The following FLG variants were observed in gnomAD, a reference collection of about 807,000 sequenced individuals.
FLG encodes the protein filaggrin, also known as epidermal filaggrin.
Under a neutral mutation model 3.8 loss-of-function variants are expected in FLG, and 6 were observed. That is an observed-to-expected ratio of 1.60 (90% CI 0.87 to 3.15). The LOEUF (loss-of-function observed/expected upper bound fraction) is 3.15. Ranked by LOEUF, FLG falls within the 30% of genes most tolerant of loss-of-function variation. The pLI is 0.00. For missense variants in FLG, 7,595 were observed against 5,050.9 expected, an observed-to-expected ratio of 1.50 and a Z score of -15.27; for synonymous variants, 2,551 against 1,931.6, an observed-to-expected ratio of 1.32 and a Z score of -8.41.
Position 152,313,841 on chromosome 1 carries a change from A to C in FLG, c.1045T>G (p.Ser349Ala). 1.2e-6 allele frequency: 2 copies of C among 1,614,124 alleles called. No individual in the cohort carries two copies. The highest frequency in any genetic ancestry group is 8.5e-7 in the Non-Finnish European group (1 of 1,180,016). The stretch of plus-strand genomic sequence containing the variant: ...CCTGATTGTCTGGAGCTGTCTGCAG[A>C]GTGCCCATGACTGGCTCTGTCTTCA... ...HDEDRASHGH[S>A]ADSSRQSGTR... is the part of the protein sequence containing the mutation. Residue 349 changes from serine (S) to alanine (A), a missense_variant, in exon 3 of 3, where the codon TCT becomes GCT. Transcript: ENST00000368799.
At position 152,310,868 on chromosome 1, in the gene FLG, C is replaced by T; in HGVS notation, c.4018G>A (p.Gly1340Arg). The change falls in exon 3 of 3, where the codon GGA (glycine) becomes AGA (arginine). Residue 1340 changes from glycine (G) to arginine (R), a missense_variant. Gly to Arg is a moderately radical substitution (Grantham distance 125). Coordinates refer to ENST00000368799, the MANE Select transcript of FLG (RefSeq NM_002016.2). ...TGTTCATGGGATGACACAGCCTGTC[C>T]ATGAGAGGAAGACTCTGTGTGATGA... ...GTHHTESSSH[G>R]QAVSSHEQAR... The T allele has an allele frequency of 1.2e-6, 2 of 1,614,008 alleles. No individual in the cohort carries two copies. The highest frequency in any genetic ancestry group is 1.7e-6 in the Non-Finnish European group (2 of 1,180,000).
Position 152,310,243 on chromosome 1 carries a change from T to C in FLG, c.4643A>G (p.Glu1548Gly). Reference sequence around the variant, plus strand: ...GTGCCTGGAGCCGTCTCCTGATTGTTCCTCATTTCTTGTTTGCCTGCTTGC... The same window carrying C: ...GTGCCTGGAGCCGTCTCCTGATTGTCCCTCATTTCTTGTTTGCCTGCTTGC... ...RSASRQTRNE[E>G]QSGDGSRHSG... Residue 1548 changes from glutamate to glycine, a missense_variant, in exon 3 of 3, where the codon GAA (glutamate) becomes GGA (glycine). Physicochemically the swap from Glu to Gly is moderately conservative, Grantham distance 98. Coordinates refer to ENST00000368799, the MANE Select transcript of FLG (RefSeq NM_002016.2). 6.2e-7 allele frequency: 1 copy of C among 1,613,860 alleles called. No individual in the cohort carries two copies. Among genetic ancestry groups the C allele is most frequent in the Non-Finnish European group, 8.5e-7 (1 of 1,179,964 alleles).
chr1:152,313,899 T>A lies in FLG; in HGVS notation c.987A>T (p.Ser329=). ...ACCTGGGGTGTCTGGAGCCATCTCT[T>A]GACTGCTCCCACGCAGATCCATGAT... The part of the protein sequence containing the change: ...RNHHGSAWEQ[S]RDGSRHPRSH... The change falls in exon 3 of 3, where the codon TCA becomes TCT. Residue 329 remains serine, a synonymous_variant. Coordinates refer to ENST00000368799, the MANE Select transcript of FLG (RefSeq NM_002016.2). The A allele has an allele frequency of 6.2e-7, 1 of 1,614,042 alleles. No homozygotes were observed. The highest frequency in any genetic ancestry group is 2.2e-5 in the East Asian group (1 of 44,858).
chr1:152,321,586 A>G (rs1652979733), intron 1 of FLG, among the ~76,000 whole-genome samples: 1 of 151,174 alleles, frequency 6.6e-6, no homozygotes, highest in South Asian at 2.1e-4. Context: ...AAATGTCTAG[A>G]AAAACACTTG....
In FLG at chr1:152,311,005, T is replaced by C. The variant is rs767364721; in HGVS notation, c.3881A>G (p.His1294Arg). The C allele has an allele frequency of 1.1e-5, 18 of 1,613,706 alleles. No homozygotes were observed. In the East Asian group the frequency reaches 3.6e-4, roughly 32 times the overall value. ...TGACTGCTCCCGAGAAGATCCATGA[T>C]GGTTTCTGGAAGCAGACCCAGACAA... ...ERLSGSASRN[H>R]HGSSREQSRD... The change falls in exon 3 of 3, where the codon CAT becomes CGT. Residue 1294 changes from histidine (H) to arginine (R), a missense_variant. His to Arg is a conservative substitution (Grantham distance 29). Transcript: ENST00000368799.
chr1:152,313,153 C>T lies in FLG; in HGVS notation c.1733G>A (p.Gly578Glu). The T allele has an allele frequency of 1.2e-6, 2 of 1,613,804 alleles. No individual in the cohort carries two copies. Among genetic ancestry groups the T allele is most frequent in the Non-Finnish European group, 1.7e-6 (2 of 1,179,988 alleles). Residue 578 changes from glycine (G) to glutamate (E), a missense_variant, in exon 3 of 3, where the codon GGA becomes GAA. Transcript: ENST00000368799. ...SRQTRNEEQS[G>E]DGTRHSGSRH... is the part of the protein sequence containing the mutation. ...TGACCCTGAGTGCCTGGTGCCGTCTCCTGATTGTTCCTCATTTCGTGTTTG... is the reference window on the plus strand; with the variant it reads ...TGACCCTGAGTGCCTGGTGCCGTCTTCTGATTGTTCCTCATTTCGTGTTTG...
In FLG at chr1:152,307,927, T is replaced by G. The variant is rs141611923; in HGVS notation, c.6959A>C (p.Glu2320Ala). The change falls in exon 3 of 3, where the codon GAA (glutamate) becomes GCA (alanine). Residue 2320 changes from glutamate to alanine, a missense_variant. By Grantham distance (107) the Glu-to-Ala change is moderately radical (BLOSUM62 -1). Transcript: ENST00000368799. Reference sequence around the variant, plus strand: ...CTCTCCTGCACTTGATCTTGCCTGTTCATGGGATGATGCAGCCTGTCCACC... The same window carrying G: ...CTCTCCTGCACTTGATCTTGCCTGTGCATGGGATGATGCAGCCTGTCCACC... The part of the protein sequence containing the change: ...SSGGQAASSH[E>A]QARSSAGERH... The G allele has an allele frequency of 7.7e-4, 1,247 of 1,613,610 alleles. 2 individuals carry two copies. Among genetic ancestry groups the G allele is most frequent in the Non-Finnish European group, 9.7e-4 (1,140 of 1,179,816 alleles).
chr1:152,304,826 A>G lies in FLG; in HGVS notation c.10060T>C (p.Ser3354Pro). 6.2e-7 allele frequency: 1 copy of G among 1,613,580 alleles called. No individual in the cohort carries two copies. The highest frequency in any genetic ancestry group is 1.1e-5 in the South Asian group (1 of 90,996). The change falls in exon 3 of 3, where the codon TCA becomes CCA. Residue 3354 changes from serine (S) to proline (P), a missense_variant. Transcript: ENST00000368799. ...EGHSEESDTQ[S>P]VSGHGQAGPH... ...CCAGCCTGTCCATGGCCTGACACTG[A>G]CTGTGTGTCTGACTCTTCTGAATGT...
At position 152,308,444 on chromosome 1, in the gene FLG, C is replaced by T. The variant is rs1405608508; in HGVS notation, c.6442G>A (p.Gly2148Arg). 4 of 1,613,708 alleles carry T rather than the reference C, an allele frequency of 2.5e-6. No individual in the cohort carries two copies. The Admixed American group carries it at 5.0e-5, about 20-fold the overall frequency. ...TGCTCTTGGTGGGACCCCTGTCTTCCTCCTCTGCTTGGCCCCGGGTGTCCA... is the reference window on the plus strand; with the variant it reads ...TGCTCTTGGTGGGACCCCTGTCTTCTTCCTCTGCTTGGCCCCGGGTGTCCA... Reference protein sequence around the residue: ...IRGHPGPSRGGRQGSHQEQSV... With the variant: ...IRGHPGPSRGRRQGSHQEQSV... Residue 2148 changes from glycine (G) to arginine (R), a missense_variant, in exon 3 of 3, where the codon GGA (glycine) becomes AGA (arginine). Gly to Arg is a moderately radical substitution (Grantham distance 125). Transcript: ENST00000368799.
At position 152,308,818 on chromosome 1, in the gene FLG, C is replaced by G. The variant is rs747796700; in HGVS notation, c.6068G>C (p.Gly2023Ala). 3 of 1,613,996 alleles carry G rather than the reference C, an allele frequency of 1.9e-6. No individual in the cohort carries two copies. The highest frequency in any genetic ancestry group is 2.7e-5 in the African/African-American group (2 of 74,924). ...SADSSRHSGI[G>A]HGQASSAVRD... Reference sequence around the variant, plus strand: ...GACTGCAGATGAAGCTTGTCCATGCCCAATGCCTGAGTGTCTGGAGCTGTC... The same window carrying G: ...GACTGCAGATGAAGCTTGTCCATGCGCAATGCCTGAGTGTCTGGAGCTGTC... The change falls in exon 3 of 3, where the codon GGG (glycine) becomes GCG (alanine). Residue 2023 changes from glycine (G) to alanine (A), a missense_variant. By Grantham distance (60) the Gly-to-Ala change is moderately conservative. Coordinates refer to ENST00000368799, the MANE Select transcript of FLG (RefSeq NM_002016.2).
At position 152,313,610 on chromosome 1, in the gene FLG, C is replaced by T. The variant is rs866645490; in HGVS notation, c.1276G>A (p.Glu426Lys). The T allele has an allele frequency of 6.2e-7, 1 of 1,614,090 alleles. No homozygotes were observed. The highest frequency in any genetic ancestry group is 8.5e-7 in the Non-Finnish European group (1 of 1,180,012). ...GTGTCTGAGTTTTCTGAATGTCCCT[C>T]ACTGTCACTGGCCTGACTACCGCTA... ...GSSGSQASDS[E>K]GHSENSDTQS... is the part of the protein sequence containing the mutation. Residue 426 changes from glutamate to lysine, a missense_variant, in exon 3 of 3, where the codon GAG becomes AAG. Coordinates refer to ENST00000368799, the MANE Select transcript of FLG (RefSeq NM_002016.2).
rs200277568 is a variant in FLG, at chr1:152,302,881, T to C, written c.12005A>G (p.Asn4002Ser). ...TTCCTTGAAAACAACAGGATTGGAATTGTAACTAACACTTCCGTGCTGAGA... is the reference window on the plus strand; with the variant it reads ...TTCCTTGAAAACAACAGGATTGGAACTGTAACTAACACTTCCGTGCTGAGA... Reference protein sequence around the residue: ...RHSQHGSVSYNSNPVVFKERS... With the variant: ...RHSQHGSVSYSSNPVVFKERS... Residue 4002 changes from asparagine to serine, a missense_variant, in exon 3 of 3, where the codon AAT becomes AGT. By Grantham distance (46) the Asn-to-Ser change is conservative. Coordinates refer to ENST00000368799, the MANE Select transcript of FLG (RefSeq NM_002016.2). 4.3e-5 allele frequency: 69 copies of C among 1,614,166 alleles called. 1 individual carries two copies. In the Admixed American group the frequency reaches 1.1e-3, roughly 26 times the overall value.
rs755699283 is a variant in FLG, at chr1:152,304,539, G to T, written c.10347C>A (p.His3449Gln). 2 of 1,611,770 alleles carry T rather than the reference G, an allele frequency of 1.2e-6. No individual in the cohort carries two copies. Among genetic ancestry groups the T allele is most frequent in the Admixed American group, 3.3e-5 (2 of 59,830 alleles). The part of the protein sequence containing the change: ...GSSRRGRQGS[H>Q]YEQSVDRSGH... ...CAGACCTATCTACCGATTGCTCGTA[G>T]TGGGATCCCTGCCTTCCTCTTCTGC... The change falls in exon 3 of 3, where the codon CAC (histidine) becomes CAA (glutamine). Residue 3449 changes from histidine (H) to glutamine (Q), a missense_variant. His to Gln is a conservative substitution (Grantham distance 24). Coordinates refer to ENST00000368799, the MANE Select transcript of FLG (RefSeq NM_002016.2).
At position 152,311,101 on chromosome 1, in the gene FLG, G is replaced by A; in HGVS notation, c.3785C>T (p.Thr1262Ile). ...VGQEQSSGSR[T>I]SRHQGSSVSQ... ...AACACTGGATCCCTGGTGCCTGCTT[G>A]TCCTGGACCCCGATGATTGTTCCTG... is the stretch of plus-strand genomic sequence containing the variant. The change falls in exon 3 of 3, where the codon ACA becomes ATA. Residue 1262 changes from threonine (T) to isoleucine (I), a missense_variant. Coordinates refer to ENST00000368799, the MANE Select transcript of FLG (RefSeq NM_002016.2). 1 of 1,613,882 alleles carries A rather than the reference G, an allele frequency of 6.2e-7. No homozygotes were observed. The highest frequency in any genetic ancestry group is 8.5e-7 in the Non-Finnish European group (1 of 1,179,988).
chr1:152,314,581 C>A lies in FLG; in HGVS notation c.305G>T (p.Arg102Ile), dbSNP rs770230856. The change falls in exon 3 of 3, where the codon AGA becomes ATA. Residue 102 changes from arginine to isoleucine, a missense_variant. By Grantham distance (97) the Arg-to-Ile change is moderately conservative. Transcript: ENST00000368799. Reference protein sequence around the residue: ...ENLPISGHKHRKHSHHDKHED... With the variant: ...ENLPISGHKHIKHSHHDKHED... ...ATGTTTATCATGATGACTGTGCTTT[C>A]TGTGCTTGTGTCCTGATATCGGTAA... 360 of 1,613,646 alleles carry A rather than the reference C, an allele frequency of 2.2e-4. No individual in the cohort carries two copies. The highest frequency in any genetic ancestry group is 2.9e-4 in the Non-Finnish European group (345 of 1,179,940).
At position 152,309,889 on chromosome 1, in the gene FLG, G is replaced by T; in HGVS notation, c.4997C>A (p.Ala1666Asp). 1.2e-6 allele frequency: 2 copies of T among 1,614,106 alleles called. No homozygotes were observed. The highest frequency in any genetic ancestry group is 1.7e-6 in the Non-Finnish European group (2 of 1,180,020). ...RHAETSSGGQ[A>D]ASSQEQARSS... ...CCTTGCCTGTTCCTGGGATGATGCAGCCTGTCCACCAGAGGAAGTCTCTGC... is the reference window on the plus strand; with the variant it reads ...CCTTGCCTGTTCCTGGGATGATGCATCCTGTCCACCAGAGGAAGTCTCTGC... Residue 1666 changes from alanine (A) to aspartate (D), a missense_variant, in exon 3 of 3, where the codon GCT becomes GAT. Physicochemically the swap from Ala to Asp is moderately radical, Grantham distance 126. Coordinates refer to ENST00000368799, the MANE Select transcript of FLG (RefSeq NM_002016.2).
Position 152,308,231 on chromosome 1 carries a change from T to C in FLG, c.6655A>G (p.Ser2219Gly), listed in dbSNP as rs1652120185. 6.2e-7 allele frequency: 1 copy of C among 1,613,920 alleles called. No homozygotes were observed. The highest frequency in any genetic ancestry group is 1.3e-5 in the African/African-American group (1 of 74,906). The change falls in exon 3 of 3, where the codon AGC becomes GGC. Residue 2219 changes from serine (S) to glycine (G), a missense_variant. Ser to Gly is a moderately conservative substitution (Grantham distance 56). Transcript: ENST00000368799. ...TGGCCCACCAGTGAGTGTCTAGAGC[T>C]GTCGGCCCAAGAGGAAGCTTCATGA... ...HHHEASSWAD[S>G]SRHSLVGQGQ...
In FLG at chr1:152,308,321, C is replaced by A; in HGVS notation, c.6565G>T (p.Ala2189Ser). 3 of 1,613,724 alleles carry A rather than the reference C, an allele frequency of 1.9e-6. No individual in the cohort carries two copies. Among genetic ancestry groups the A allele is most frequent in the Non-Finnish European group, 2.5e-6 (3 of 1,179,802 alleles). Residue 2189 changes from alanine (A) to serine (S), a missense_variant, in exon 3 of 3, where the codon GCA becomes TCA. Transcript: ENST00000368799. ...ASRGQSGSRS[A>S]SRKTYDKEQS... ...TCCTTGTCATATGTTTTTCTGCTTG[C>A]ACTTCTGGATCCTGACTGCCCACGG...
rs1224480490 is a variant in FLG, at chr1:152,302,909, G to A, written c.11977C>T (p.His3993Tyr). Reference protein sequence around the residue: ...DYDYGESGFRHSQHGSVSYNS... With the variant: ...DYDYGESGFRYSQHGSVSYNS... ...TAACTAACACTTCCGTGCTGAGAGT[G>A]TCTAAACCCGGATTCACCATAATCA... is the stretch of plus-strand genomic sequence containing the variant. Residue 3993 changes from histidine (H) to tyrosine (Y), a missense_variant, in exon 3 of 3, where the codon CAC (histidine) becomes TAC (tyrosine). Coordinates refer to ENST00000368799, the MANE Select transcript of FLG (RefSeq NM_002016.2). The A allele has an allele frequency of 7.4e-6, 12 of 1,614,048 alleles. No individual in the cohort carries two copies. Among genetic ancestry groups the A allele is most frequent in the African/African-American group, 2.7e-5 (2 of 74,916 alleles).
Sources: allele counts gnomAD v4.1 joint callset (sites outside exome capture counted in the v4.1 genomes callset), GRCh38; gene constraint gnomAD v4.1.1; transcripts MANE v1.5; gene names NCBI Gene and HGNC (gene_info 2026-07-23, HGNC 2026-07-21).